The following LRRTM4 variants were observed in gnomAD, a reference collection of about 807,000 sequenced individuals.
LRRTM4 encodes leucine rich repeat transmembrane neuronal 4, also known as leucine-rich repeat transmembrane neuronal protein 4.
A neutral mutation model predicts 47.6 loss-of-function variants in LRRTM4; 25 were observed. The observed-to-expected ratio is 0.53, with a 90% confidence interval of 0.38 to 0.73. LRRTM4 has a LOEUF of 0.73. LRRTM4 is among the 30% of genes least tolerant of loss of function. The pLI is 0.00. For missense variants in LRRTM4, 638 were observed against 713.4 expected (o/e 0.89, Z 1.20); for synonymous variants, 311 against 269.5 (o/e 1.15, Z -1.51).
intron 3 of LRRTM4, among the ~76,000 whole-genome samples, chr2:77,193,730 G>A (rs915100813): frequency 6.6e-6 from 1 of 152,122 alleles, no homozygotes; most frequent in Non-Finnish European, 1.5e-5. Flanking sequence ...GAAGCCAGGA[G>A]GCGGGCATTG....
chr2:77,138,366 A>G (rs1478656459), intron 3 of LRRTM4, among the ~76,000 whole-genome samples: 2 of 152,328 alleles, frequency 1.3e-5, no homozygotes, highest in African/African-American at 4.8e-5. Flanking sequence ...CTGCTCCTGA[A>G]TGACTACTGG....
chr2:77,196,345 G>A (rs993195522), intron 3 of LRRTM4, among the ~76,000 whole-genome samples: 1 of 152,058 alleles, frequency 6.6e-6, no homozygotes, highest in Non-Finnish European at 1.5e-5. Context: ...CTAGTTATTT[G>A]AAATGACTCA....
At chr2:77,367,368 A>G (rs183536241) in intron 3 of LRRTM4, among the ~76,000 whole-genome samples, 1 of 151,864 alleles carries the variant, frequency 6.6e-6, no homozygotes, top group East Asian at 1.9e-4. Flanking sequence ...AACACCAGCT[A>G]TTATCTAAAA....
intron 3 of LRRTM4, among the ~76,000 whole-genome samples, chr2:77,372,339 T>C (rs1672683068): frequency 6.6e-6 from 1 of 151,804 alleles, no homozygotes; most frequent in African/African-American, 2.4e-5. Flanking sequence ...TTGCCTTTCA[T>C]TTATTTATAT....
At chr2:77,194,605 T>A (rs1673762159) in intron 3 of LRRTM4, among the ~76,000 whole-genome samples, 1 of 152,180 alleles carries the variant, frequency 6.6e-6, no homozygotes, top group African/African-American at 2.4e-5. Context: ...GCTGGTAAGT[T>A]ACTGTGAATC....
intron 3 of LRRTM4, among the ~76,000 whole-genome samples, chr2:76,866,548 C>G (rs1054138215): frequency 1.3e-4 from 20 of 151,670 alleles, no homozygotes; most frequent in African/African-American, 4.8e-4. Context: ...AAAGGTAAAA[C>G]TTTTAAAACT....
intron 2 of LRRTM4, among the ~76,000 whole-genome samples, 167 bp downstream of exon 2, chr2:77,521,501 G>A (rs1302968814): frequency 6.6e-6 from 1 of 151,640 alleles, no homozygotes; most frequent in Non-Finnish European, 1.5e-5. Context: ...CTGCAAAAAG[G>A]AAAATGATCT....
chr2:77,483,967 T>C (rs115936448), intron 3 of LRRTM4, among the ~76,000 whole-genome samples: 99 of 152,338 alleles, frequency 6.5e-4, no homozygotes, highest in Middle Eastern at 6.8e-3. Context: ...GGTAATGTTT[T>C]ATTTTGTTTT....
chr2:76,810,209 T>C (rs1167911969), intron 3 of LRRTM4, among the ~76,000 whole-genome samples: 1 of 152,242 alleles, frequency 6.6e-6, no homozygotes, highest in Non-Finnish European at 1.5e-5. Flanking sequence ...TCTCCTTTAA[T>C]TGAACAGTTT....
chr2:77,107,494 C>G (rs1195021746), intron 3 of LRRTM4, among the ~76,000 whole-genome samples: 3 of 152,078 alleles, frequency 2.0e-5, no homozygotes, highest in Non-Finnish European at 2.9e-5. Flanking sequence ...ATAGCCTATT[C>G]TGTGACCACA....
chr2:76,914,232 T>C (rs1278142501), intron 3 of LRRTM4, among the ~76,000 whole-genome samples: 3 of 152,016 alleles, frequency 2.0e-5, no homozygotes, highest in African/African-American at 4.8e-5. Context: ...AACTTTATAT[T>C]ATTAATGAAG....
chr2:76,909,643 T>G (rs1673977085), intron 3 of LRRTM4, among the ~76,000 whole-genome samples: 1 of 151,666 alleles, frequency 6.6e-6, no homozygotes, highest in Non-Finnish European at 1.5e-5. Flanking sequence ...CAAACAAATT[T>G]ACAAGAAAAA....
rs532574593 is a variant in LRRTM4, at chr2:76,901,661, A to T, written c.1552-152745T>A. Among the ~76,000 whole-genome samples the T allele has an allele frequency of 3.9e-5, 6 of 152,180 alleles. No homozygotes were observed. The South Asian group carries it at 1.2e-3, about 31-fold the overall frequency. On this transcript the variant is annotated intron_variant, in intron 3 of 3. Transcript: ENST00000409884. ...GAAAGATATAAAAGCCCAGAATGACATGTTACTGTCTGTAGATATGTGTCG... is the reference window on the plus strand; with the variant it reads ...GAAAGATATAAAAGCCCAGAATGACTTGTTACTGTCTGTAGATATGTGTCG...
chr2:76,889,753 G>A (rs1223484167), intron 3 of LRRTM4, among the ~76,000 whole-genome samples: 1 of 151,872 alleles, frequency 6.6e-6, no homozygotes, highest in African/African-American at 2.4e-5. Flanking sequence ...AATTTTACTT[G>A]CTTTTCTCTT....
chr2:77,376,169 T>C (rs368137491), intron 3 of LRRTM4, among the ~76,000 whole-genome samples: 15 of 151,972 alleles, frequency 9.9e-5, no homozygotes, highest in South Asian at 8.3e-4. Context: ...TATAAAGATT[T>C]TCTGGTTATG....
intron 3 of LRRTM4, among the ~76,000 whole-genome samples, chr2:77,032,420 T>C (rs1489436177): frequency 2.5e-4 from 38 of 152,186 alleles, no homozygotes; most frequent in Admixed American, 2.5e-3. Flanking sequence ...TTTTATTACC[T>C]AGTATCTTTC....
chr2:77,505,542 A>G (rs1573504883), intron 3 of LRRTM4, among the ~76,000 whole-genome samples: 1 of 151,664 alleles, frequency 6.6e-6, no homozygotes, highest in East Asian at 1.9e-4. Context: ...AAATCACCAT[A>G]GTCATTTAAT....
At chr2:76,899,041 T>A (rs552365880) in intron 3 of LRRTM4, among the ~76,000 whole-genome samples, 1 of 152,124 alleles carries the variant, frequency 6.6e-6, no homozygotes, top group South Asian at 2.1e-4. Flanking sequence ...CAAAGCGTGT[T>A]GTAAAATTGG....
chr2:77,002,722 C>T (rs1677478223), intron 3 of LRRTM4, among the ~76,000 whole-genome samples: 1 of 151,970 alleles, frequency 6.6e-6, no homozygotes, highest in Non-Finnish European at 1.5e-5. Flanking sequence ...GGTGTCCTTG[C>T]TCTCACCTCC....
Sources: allele counts gnomAD v4.1 joint callset (sites outside exome capture counted in the v4.1 genomes callset), GRCh38; gene constraint gnomAD v4.1.1; transcripts MANE v1.5; gene names NCBI Gene and HGNC (gene_info 2026-07-23, HGNC 2026-07-21).